Variants in PDLIM1 observed in about 807,000 individuals in gnomAD.
The protein encoded by PDLIM1 is PDZ and LIM domain protein 1.
In PDLIM1, 25 loss-of-function variants were observed where a neutral mutation model predicts 35.2. That is an observed-to-expected ratio of 0.71 (90% confidence interval 0.52 to 0.99). The LOEUF (loss-of-function observed/expected upper bound fraction) is 0.99. Among genes scored for constraint, PDLIM1 ranks in the 50% least tolerant of loss-of-function variants. The pLI, the probability that PDLIM1 is intolerant of heterozygous loss-of-function variation, is 0.00. For synonymous variants in PDLIM1, 152 were observed against 154.0 expected (o/e 0.99, Z 0.10); for missense variants, 363 against 415.3 (o/e 0.87, Z 1.09).
chr10:95,238,647 C>T lies in PDLIM1; in HGVS notation c.724G>A (p.Ala242Thr), dbSNP rs1365184855. 1.9e-6 allele frequency: 3 copies of T among 1,613,872 alleles called. No homozygotes were observed. Among genetic ancestry groups the T allele is most frequent in the Non-Finnish European group, 2.5e-6 (3 of 1,179,840 alleles). The stretch of plus-strand genomic sequence containing the variant: ...GACGCAGCCACTTTAGTGACAGGAG[C>T]TTTAACACTTCTGAATCCTGAGGGC... ...NKPSGFRSVK[A>T]PVTKVAASIG... The change falls in exon 6 of 7, where the codon GCT (alanine) becomes ACT (threonine). Residue 242 changes from alanine (A) to threonine (T), a missense_variant. Transcript: ENST00000329399.
chr10:95,247,084 G>T (rs921858842), intron 5 of PDLIM1, 131 bp downstream of exon 5: 3 of 743,866 alleles, frequency 4.0e-6, no homozygotes, highest in South Asian at 1.9e-5. Context: ...TCTTTTTAAA[G>T]AATTTCAGCA....
rs2035406802 is a variant in PDLIM1 at position 95,265,562 on chromosome 10, C to A, written c.334-1499G>T. Among the ~76,000 whole-genome samples, 10 of 136,580 alleles carry A rather than the reference C, an allele frequency of 7.3e-5. No individual in the cohort carries two copies. The Admixed American group carries it at 8.3e-4, about 11-fold the overall frequency. 89.6% of individuals were successfully genotyped at this position (136,580 alleles called of 152,430 possible). On this transcript the variant is annotated intron_variant, in intron 3 of 6. Coordinates refer to ENST00000329399, the MANE Select transcript of PDLIM1 (RefSeq NM_020992.4). ...GTGAGCCGAGATTGTACCATTGCAC[C>A]CCAGCCTGGGCAACGAGAGTGGAAC...
At chr10:95,281,834 G>A (rs990560150) in intron 1 of PDLIM1, among the ~76,000 whole-genome samples, 6 of 152,248 alleles carry the variant, frequency 3.9e-5, no homozygotes, top group East Asian at 1.9e-4. Context: ...TAAATAACTC[G>A]ACGTGGGTCC....
In PDLIM1 at chr10:95,263,965, G is replaced by A. The variant is rs552939838; in HGVS notation, c.432C>T (p.Tyr144=). The A allele has an allele frequency of 5.0e-6, 8 of 1,613,876 alleles. No individual in the cohort carries two copies. In the Admixed American group the frequency reaches 8.3e-5, roughly 17 times the overall value. Residue 144 remains tyrosine (Y), a synonymous_variant, in exon 4 of 7, where the codon TAC becomes TAT. Coordinates refer to ENST00000329399, the MANE Select transcript of PDLIM1 (RefSeq NM_020992.4). The stretch of plus-strand genomic sequence containing the variant: ...AAGAGTAGAGGCCAGCTGGGTTGTT[G>A]TACTGGTTTGTGATGACCCTGGCAG... ...STTARVITNQ[Y]NNPAGLYSSE... is the part of the protein sequence containing the mutation.
chr10:95,283,759 T>C (rs1017282087), intron 1 of PDLIM1, among the ~76,000 whole-genome samples: 7 of 152,184 alleles, frequency 4.6e-5, no homozygotes, highest in East Asian at 1.9e-4. Context: ...ATACAGCTGA[T>C]TGAATTCTCA....
At chr10:95,243,054 G>A (rs2035191692) in intron 5 of PDLIM1, among the ~76,000 whole-genome samples, 1 of 152,184 alleles carries the variant, frequency 6.6e-6, no homozygotes, top group Non-Finnish European at 1.5e-5. Context: ...AGGGTAGAAT[G>A]AGAAAAAGCC....
chr10:95,269,388 A>G (rs1431594256), intron 2 of PDLIM1, among the ~76,000 whole-genome samples: 1 of 151,974 alleles, frequency 6.6e-6, no homozygotes, highest in African/African-American at 2.4e-5. Context: ...CCTGGCCAAC[A>G]TGGTGAAACC....
At chr10:95,287,573 C>T (rs997866611) in intron 1 of PDLIM1, among the ~76,000 whole-genome samples, 6 of 152,086 alleles carry the variant, frequency 3.9e-5, no homozygotes, top group African/African-American at 1.4e-4. Flanking sequence ...GAAAAACAGT[C>T]AACATAAACT....
At position 95,290,922 on chromosome 10, in the gene PDLIM1, G is replaced by T. The variant is rs755855102; in HGVS notation, c.-7C>A. On this transcript the variant is annotated 5_prime_UTR_variant, in exon 1 of 7. Transcript: ENST00000329399. This position sits in a 1 kb window ranked among gnomAD's most constrained non-coding sequence, Gnocchi z 4.7. ...CTATCTGCTGGGTGGTCATGGCGCGGCTGTGGCGGGCGACGACCCGCGGGG... is the reference window on the plus strand; with the variant it reads ...CTATCTGCTGGGTGGTCATGGCGCGTCTGTGGCGGGCGACGACCCGCGGGG... 1 of 1,534,894 alleles carries T rather than the reference G, an allele frequency of 6.5e-7. No homozygotes were observed. Among genetic ancestry groups the T allele is most frequent in the Non-Finnish European group, 8.8e-7 (1 of 1,137,294 alleles).
rs144535458 is a variant in PDLIM1, at chr10:95,271,660, G to A, written c.221C>T (p.Thr74Ile). The A allele has an allele frequency of 9.0e-5, 145 of 1,609,218 alleles. No homozygotes were observed. The African/African-American group carries it at 1.7e-3, about 19-fold the overall frequency. Residue 74 changes from threonine (T) to isoleucine (I), a missense_variant, in exon 2 of 7, where the codon ACA (threonine) becomes ATA (isoleucine). By Grantham distance (89) the Thr-to-Ile change is moderately conservative. Coordinates refer to ENST00000329399, the MANE Select transcript of PDLIM1 (RefSeq NM_020992.4). ...GGCTACAGTGAGAGTCAAGTTGTCT[G>A]TGCAGCCTTTGATTCTGTTCTGAGC... ...LEAQNRIKGCTDNLTLTVARS... is the reference protein window; with the variant it reads ...LEAQNRIKGCIDNLTLTVARS...
chr10:95,257,017 AG>A (rs2035320322), intron 4 of PDLIM1, among the ~76,000 whole-genome samples: 1 of 149,766 alleles, frequency 6.7e-6, no homozygotes, highest in South Asian at 2.1e-4. Flanking sequence ...AAAGAAAGAA[AG>A]AAAGAAAGAA....
At chr10:95,275,112 T>A (rs2035499886) in intron 1 of PDLIM1, among the ~76,000 whole-genome samples, 1 of 152,200 alleles carries the variant, frequency 6.6e-6, no homozygotes. Context: ...TTTTGCGATG[T>A]CCTTTCAGGC....
intron 1 of PDLIM1, among the ~76,000 whole-genome samples, chr10:95,282,630 T>A (rs1484617745): frequency 6.6e-6 from 1 of 152,170 alleles, no homozygotes; most frequent in African/African-American, 2.4e-5. Flanking sequence ...AATAGAATAC[T>A]CTGACTAAAT....
chr10:95,269,456 C>T (rs2035443393), intron 2 of PDLIM1, among the ~76,000 whole-genome samples: 1 of 151,712 alleles, frequency 6.6e-6, no homozygotes, highest in African/African-American at 2.4e-5. Context: ...CCTATAATCC[C>T]AGCTACTCGG....
chr10:95,268,890 T>C, intron 2 of PDLIM1, 28 bp from the exon 3 acceptor site: 1 of 1,477,334 alleles, frequency 6.8e-7, no homozygotes, highest in South Asian at 1.1e-5. Flanking sequence ...AGCTGCTGTT[T>C]CACTCATGTA....
chr10:95,285,738 G>A (rs964275578), intron 1 of PDLIM1, among the ~76,000 whole-genome samples: 3 of 152,186 alleles, frequency 2.0e-5, no homozygotes, highest in African/African-American at 7.2e-5. Flanking sequence ...GATGCAGGCA[G>A]TGTACTTAAG....
chr10:95,290,244 G>GT lies in PDLIM1; in HGVS notation c.96+575dup, dbSNP rs1215307563. 6.8e-6 allele frequency among the ~76,000 whole-genome samples: 1 copy of GT among 146,640 alleles called. No individual in the cohort carries two copies. The highest frequency in any genetic ancestry group is 2.8e-5 in the African/African-American group (1 of 36,218). On this transcript the variant is annotated intron_variant, in intron 1 of 6. Coordinates refer to ENST00000329399, the MANE Select transcript of PDLIM1 (RefSeq NM_020992.4). The surrounding 1 kb of genome is among the most constrained non-coding windows in gnomAD (Gnocchi z 4.7). ...AGAATGACCAAGAGGGTTTACTTGA[G>GT]TTTGTTTGTTGTGTTTATTTCCCGA... is the stretch of plus-strand genomic sequence containing the variant.
At chr10:95,247,056 T>TCC (rs1213254122) in intron 5 of PDLIM1, among the ~76,000 whole-genome samples, 159 bp downstream of exon 5, 1 of 152,068 alleles carries the variant, frequency 6.6e-6, no homozygotes, top group Non-Finnish European at 1.5e-5. Context: ...CCTCTCTCTC[T>TCC]CTCTCTCTCC....
At chr10:95,241,627 C>T (rs1419844489) in intron 5 of PDLIM1, among the ~76,000 whole-genome samples, 3 of 152,214 alleles carry the variant, frequency 2.0e-5, no homozygotes, top group African/African-American at 7.2e-5. Context: ...GGCTGAGAAA[C>T]CCTGCTCTCG....
Sources: allele counts gnomAD v4.1 joint callset (sites outside exome capture counted in the v4.1 genomes callset), GRCh38; gene constraint gnomAD v4.1.1; non-coding constraint Gnocchi (gnomAD v3.1); transcripts MANE v1.5; gene names NCBI Gene and HGNC (gene_info 2026-07-23, HGNC 2026-07-21).